The following STRADB variants were observed in gnomAD, a reference collection of about 807,000 sequenced individuals.
STRADB encodes STE20-related kinase adapter protein beta.
Under a neutral mutation model 52.1 loss-of-function variants are expected in STRADB, and 34 were observed. The observed-to-expected ratio is 0.65, with a 90% CI of 0.50 to 0.87. STRADB has a LOEUF of 0.87. Among genes scored for constraint, STRADB ranks in the 40% least tolerant of loss-of-function variants. The pLI, the probability that STRADB is intolerant of heterozygous loss-of-function variation, is 0.00. For synonymous variants in STRADB, 133 were observed against 174.5 expected (o/e 0.76, Z 1.87); for missense variants, 340 against 483.9 (o/e 0.70, Z 2.79).
chr2:201,452,914 G>T lies in STRADB; in HGVS notation c.-96+976G>T, dbSNP rs1276635991. Among the ~76,000 whole-genome samples, 3 of 152,206 alleles carry T rather than the reference G, an allele frequency of 2.0e-5. No individual in the cohort carries two copies. The East Asian group carries it at 5.8e-4, about 29-fold the overall frequency. On this transcript the variant is annotated intron_variant, in intron 1 of 11. Transcript: ENST00000194530. ...GTTTTGGATACAAGTGTAAGGGACT[G>T]CACTGATGTACTTGTGAATACGAAA... is the stretch of plus-strand genomic sequence containing the variant.
At chr2:201,455,912 A>G (rs1206020970) in intron 2 of STRADB, among the ~76,000 whole-genome samples, 3 of 152,244 alleles carry the variant, frequency 2.0e-5, no homozygotes, top group African/African-American at 4.8e-5. Context: ...AGGCAGAACT[A>G]TGAAGTTAGA....
At chr2:201,470,390 T>G (rs1278769658) in intron 4 of STRADB, among the ~76,000 whole-genome samples, 3 of 152,234 alleles carry the variant, frequency 2.0e-5, no homozygotes, top group Admixed American at 2.0e-4. Context: ...ATCTAAATCT[T>G]TTCAGTCACA....
At position 201,480,502 on chromosome 2, in the gene STRADB, T is replaced by G; in HGVS notation, c.*327T>G. On this transcript the variant is annotated 3_prime_UTR_variant, in exon 12 of 12. Transcript: ENST00000194530. ...ATTTTTTTCAGTATTTTGCTGTCCC[T>G]TGGGAATGGGCCCTCAGAGGACAGT... is the stretch of plus-strand genomic sequence containing the variant. 1 of 1,055,412 alleles carries G rather than the reference T, an allele frequency of 9.5e-7. No individual in the cohort carries two copies. Among genetic ancestry groups the G allele is most frequent in the Middle Eastern group, 4.5e-4 (1 of 2,222 alleles). 65.4% of individuals were successfully genotyped at this position (1,055,412 alleles called of 1,614,324 possible). A position where few individuals can be genotyped will look rare whatever the true frequency, so the allele number is the denominator to read the frequency against.
intron 11 of STRADB, among the ~76,000 whole-genome samples, chr2:201,479,768 C>G (rs1952541122): frequency 6.6e-6 from 1 of 152,042 alleles, no homozygotes. Context: ...ATTACTGATG[C>G]TTGGTGTATA....
chr2:201,468,268 G>A (rs1176114696), intron 3 of STRADB, among the ~76,000 whole-genome samples: 1 of 152,010 alleles, frequency 6.6e-6, no homozygotes, highest in Non-Finnish European at 1.5e-5. Context: ...ATGAAAAAGA[G>A]AAGTGAGGTT....
rs1310947887 is a variant in STRADB, at chr2:201,480,537, T to C, written c.*362T>C. 9.9e-7 allele frequency: 1 copy of C among 1,014,184 alleles called. No homozygotes were observed. Among genetic ancestry groups the C allele is most frequent in the East Asian group, 9.5e-5 (1 of 10,510 alleles). 62.8% of individuals were successfully genotyped at this position (1,014,184 alleles called of 1,614,324 possible). A position where few individuals can be genotyped will look rare whatever the true frequency, so the allele number is the denominator to read the frequency against. ...GCCCTCAGAGGACAGTGCTTCCAAGTACATCTTCTCCCAGATTCTCTGGCC... is the reference window on the plus strand; with the variant it reads ...GCCCTCAGAGGACAGTGCTTCCAAGCACATCTTCTCCCAGATTCTCTGGCC... On this transcript the variant is annotated 3_prime_UTR_variant, in exon 12 of 12. Coordinates refer to ENST00000194530, the MANE Select transcript of STRADB (RefSeq NM_018571.6).
chr2:201,465,013 G>A (rs1233647848), intron 3 of STRADB, among the ~76,000 whole-genome samples: 2 of 152,204 alleles, frequency 1.3e-5, no homozygotes, highest in Non-Finnish European at 2.9e-5. Flanking sequence ...TTTAGCCCAG[G>A]GCCAGTCCAG....
chr2:201,479,519 T>A lies in STRADB; in HGVS notation c.1101T>A (p.Val367=), dbSNP rs376562326. ...CAGCAAGCAGTTTATTGTCCCATGTTTTCTTCAAACAGGTGAGCTGATCTA... is the reference window on the plus strand; with the variant it reads ...CAGCAAGCAGTTTATTGTCCCATGTATTCTTCAAACAGGTGAGCTGATCTA... ...RPSASSLLSH[V]FFKQMKEESQ... is the part of the protein sequence containing the mutation. The change falls in exon 11 of 12, where the codon GTT becomes GTA. Residue 367 remains valine (V), a synonymous_variant. Coordinates refer to ENST00000194530, the MANE Select transcript of STRADB (RefSeq NM_018571.6). The A allele has an allele frequency of 4.4e-6, 7 of 1,603,414 alleles. No homozygotes were observed.
intron 7 of STRADB, among the ~76,000 whole-genome samples, chr2:201,476,801 C>T (rs181765924): frequency 6.7e-6 from 1 of 149,750 alleles, no homozygotes; most frequent in Admixed American, 6.6e-5. Flanking sequence ...ATGGTGAAAC[C>T]CTGTCTCTAC....
At chr2:201,468,565 T>G (rs1952341374) in intron 3 of STRADB, among the ~76,000 whole-genome samples, 1 of 152,202 alleles carries the variant, frequency 6.6e-6, no homozygotes, top group African/African-American at 2.4e-5. Context: ...ACAACCTGTT[T>G]AGAGCTTTGA....
At chr2:201,452,904 G>A (rs1952069708) in intron 1 of STRADB, among the ~76,000 whole-genome samples, 1 of 152,200 alleles carries the variant, frequency 6.6e-6, no homozygotes, top group East Asian at 1.9e-4. Context: ...GGATACAAGT[G>A]TAAGGGACTG....
At chr2:201,452,371 A>G (rs1047401979) in intron 1 of STRADB, among the ~76,000 whole-genome samples, 2 of 152,220 alleles carry the variant, frequency 1.3e-5, no homozygotes, top group African/African-American at 4.8e-5. Context: ...AGTCCCCCAT[A>G]GCAGGACTAG....
rs532236895 is a variant in STRADB at position 201,458,664 on chromosome 2, T to G, written c.13-120T>G. 950 of 746,084 alleles carry G rather than the reference T, an allele frequency of 1.3e-3. 2 individuals are homozygous for G. The highest frequency in any genetic ancestry group is 1.9e-3 in the Non-Finnish European group (869 of 459,544). 46.2% of individuals were successfully genotyped at this position (746,084 alleles called of 1,614,324 possible). ...GATCCTGGCTTCAATTCCAAGTTTC[T>G]GCAAGTTGCCCTTCCTCTCTTTTCC... On this transcript the variant is annotated intron_variant, in intron 2 of 11. Coordinates refer to ENST00000194530, the MANE Select transcript of STRADB (RefSeq NM_018571.6).
intron 1 of STRADB, among the ~76,000 whole-genome samples, chr2:201,454,056 TAATG>T (rs1396314761): frequency 2.0e-5 from 3 of 152,160 alleles, no homozygotes; most frequent in Non-Finnish European, 4.4e-5. Context: ...GGAGTTGAAA[TAATG>T]AAGCACAATT....
chr2:201,461,100 G>C (rs374952828), intron 3 of STRADB, among the ~76,000 whole-genome samples: 3 of 151,876 alleles, frequency 2.0e-5, no homozygotes, highest in Admixed American at 6.6e-5. Flanking sequence ...TTGTAGTTTT[G>C]ATTTGCATTT....
chr2:201,470,993 G>A (rs940796362), intron 4 of STRADB, among the ~76,000 whole-genome samples: 3 of 152,136 alleles, frequency 2.0e-5, no homozygotes, highest in South Asian at 4.1e-4. Context: ...TGTACTGCCC[G>A]CCACCAGACG....
intron 5 of STRADB, 121 bp from the exon 6 acceptor site, chr2:201,474,526 C>T: frequency 1.4e-6 from 1 of 690,246 alleles, no homozygotes; most frequent in Non-Finnish European, 2.4e-6. Context: ...TAGATAAAAG[C>T]ACTAAGAACA....
intron 3 of STRADB, among the ~76,000 whole-genome samples, chr2:201,467,493 C>T (rs1195609895): frequency 3.3e-5 from 5 of 152,118 alleles, no homozygotes; most frequent in African/African-American, 4.8e-5. Context: ...TGGATGGCAC[C>T]GGTTACTCCA....
chr2:201,463,378 T>C (rs533244095), intron 3 of STRADB, among the ~76,000 whole-genome samples: 75 of 152,138 alleles, frequency 4.9e-4, no homozygotes, highest in African/African-American at 1.8e-3. Context: ...AAATATGTTG[T>C]GCTACTCTCT....
Sources: allele counts gnomAD v4.1 joint callset (sites outside exome capture counted in the v4.1 genomes callset), GRCh38; gene constraint gnomAD v4.1.1; transcripts MANE v1.5; gene names NCBI Gene and HGNC (gene_info 2026-07-23, HGNC 2026-07-21).